The following RALYL variants were observed in gnomAD, a reference collection of about 807,000 sequenced individuals.
The protein encoded by RALYL is RALY RNA binding protein like, also known as RNA-binding Raly-like protein.
Under a neutral mutation model 35.1 loss-of-function variants are expected in RALYL, and 29 were observed. The ratio of observed to expected loss-of-function variants is 0.83; its 90% CI spans 0.61 to 1.13. RALYL has a LOEUF of 1.13. Among genes scored for constraint, RALYL ranks in the 50% most tolerant of loss-of-function variants. The pLI, the probability that RALYL is intolerant of heterozygous loss-of-function variation, is 0.00. For missense variants in RALYL, 359 were observed against 360.4 expected (o/e 1.00, Z 0.03); for synonymous variants, 120 against 127.6 (o/e 0.94, Z 0.40).
intron 2 of RALYL, among the ~76,000 whole-genome samples, chr8:84,596,990 G>C (rs994124812): frequency 2.0e-5 from 3 of 152,038 alleles, no homozygotes; most frequent in Non-Finnish European, 4.4e-5. Context: ...AATGATAGTT[G>C]ATAGAAAACA....
chr8:84,564,362 T>C (rs575128854), intron 2 of RALYL, among the ~76,000 whole-genome samples: 1 of 151,698 alleles, frequency 6.6e-6, no homozygotes, highest in Non-Finnish European at 1.5e-5. Flanking sequence ...CTTGAACACT[T>C]TCAAGAATGA....
At chr8:84,432,264 A>G (rs1418236249) in intron 1 of RALYL, among the ~76,000 whole-genome samples, 1 of 152,168 alleles carries the variant, frequency 6.6e-6, no homozygotes, top group Admixed American at 6.6e-5. Context: ...ATGCTAAGTG[A>G]AATAATCCAT....
At chr8:84,272,989 A>T (rs776373613) in intron 1 of RALYL, among the ~76,000 whole-genome samples, 1 of 152,200 alleles carries the variant, frequency 6.6e-6, no homozygotes, top group Non-Finnish European at 1.5e-5. Flanking sequence ...TGCTAGATTG[A>T]TTCCTTTTAT....
intron 2 of RALYL, among the ~76,000 whole-genome samples, chr8:84,685,568 CT>C (rs1380310814): frequency 2.0e-5 from 3 of 152,138 alleles, no homozygotes; most frequent in Non-Finnish European, 4.4e-5. Context: ...CTAAGTACTA[CT>C]GAATCACAGA....
At chr8:84,659,518 G>T (rs1204389856) in intron 2 of RALYL, among the ~76,000 whole-genome samples, 1 of 151,900 alleles carries the variant, frequency 6.6e-6, no homozygotes, top group African/African-American at 2.4e-5. Flanking sequence ...ACTAAAAGCT[G>T]CTGAGGCCCG....
At position 84,419,318 on chromosome 8, in the gene RALYL, C is replaced by T. The variant is rs111959252; in HGVS notation, c.-23-109981C>T. ...CTTTTGGTATTAACGTCTGTCAATCCCATTCTGCTTTAGCAAACTCACTGT... is the reference window on the plus strand; with the variant it reads ...CTTTTGGTATTAACGTCTGTCAATCTCATTCTGCTTTAGCAAACTCACTGT... On this transcript the variant is annotated intron_variant, in intron 1 of 8. Coordinates refer to ENST00000521268, the MANE Select transcript of RALYL (RefSeq NM_173848.7). Among the ~76,000 whole-genome samples the T allele has an allele frequency of 6.6e-3, 1,009 of 152,142 alleles. 12 individuals are homozygous for T. Among genetic ancestry groups the T allele is most frequent in the African/African-American group, 0.023 (947 of 41,514 alleles).
At chr8:84,229,317 C>T (rs529305111) in intron 1 of RALYL, among the ~76,000 whole-genome samples, 1 of 152,210 alleles carries the variant, frequency 6.6e-6, no homozygotes, top group South Asian at 2.1e-4. Context: ...GAAACACAAG[C>T]AAGATTTCAC....
intron 3 of RALYL, among the ~76,000 whole-genome samples, chr8:84,791,834 A>G (rs1008852498): frequency 6.6e-6 from 1 of 152,228 alleles, no homozygotes; most frequent in Non-Finnish European, 1.5e-5. Context: ...GGCTGAGTTC[A>G]GTCAAATAGT....
intron 2 of RALYL, among the ~76,000 whole-genome samples, chr8:84,555,134 C>A (rs1588150867): frequency 6.6e-6 from 1 of 152,126 alleles, no homozygotes; most frequent in Admixed American, 6.5e-5. Flanking sequence ...CAAAAATTAG[C>A]CGGGCGTGGT....
intron 5 of RALYL, among the ~76,000 whole-genome samples, chr8:84,852,647 T>A (rs1207137728): frequency 6.6e-6 from 1 of 152,120 alleles, no homozygotes; most frequent in Non-Finnish European, 1.5e-5. Context: ...TAACATGGAG[T>A]TTTACTCTAC....
intron 2 of RALYL, among the ~76,000 whole-genome samples, chr8:84,601,304 A>G (rs1004397332): frequency 5.3e-5 from 8 of 152,128 alleles, no homozygotes; most frequent in Admixed American, 3.9e-4. Context: ...CAGGAGGATA[A>G]TGCTTTGTCT....
At chr8:84,429,371 C>G (rs2046895427) in intron 1 of RALYL, among the ~76,000 whole-genome samples, 1 of 152,126 alleles carries the variant, frequency 6.6e-6, no homozygotes. Context: ...TCTTTAAAAA[C>G]CTGATATTGT....
chr8:84,265,364 A>G (rs1833085149), intron 1 of RALYL, among the ~76,000 whole-genome samples: 1 of 152,196 alleles, frequency 6.6e-6, no homozygotes, highest in Non-Finnish European at 1.5e-5. Context: ...GACAGAGGGA[A>G]GAACAATTCC....
intron 2 of RALYL, among the ~76,000 whole-genome samples, chr8:84,615,108 T>C (rs1819166328): frequency 1.3e-5 from 2 of 151,814 alleles, no homozygotes; most frequent in African/African-American, 2.4e-5. Context: ...TGTGTGCTTT[T>C]TTAAGCAGCA....
chr8:84,828,453 T>A (rs1830161222), intron 4 of RALYL: 1 of 152,348 alleles, frequency 6.6e-6, no homozygotes, highest in South Asian at 2.1e-4. Context: ...GTATTATAAT[T>A]TTTTTTCAAG....
At chr8:84,650,795 C>A (rs1181494131) in intron 2 of RALYL, among the ~76,000 whole-genome samples, 1 of 151,848 alleles carries the variant, frequency 6.6e-6, no homozygotes, top group Non-Finnish European at 1.5e-5. Flanking sequence ...CAGCACTATT[C>A]ACAATAGCAA....
At chr8:84,510,410 A>C (rs2057512087) in intron 1 of RALYL, among the ~76,000 whole-genome samples, 1 of 152,200 alleles carries the variant, frequency 6.6e-6, no homozygotes, top group South Asian at 2.1e-4. Flanking sequence ...AATACTCCAC[A>C]AAGTGTCTAA....
At chr8:84,496,164 A>C (rs1424479320) in intron 1 of RALYL, among the ~76,000 whole-genome samples, 3 of 152,120 alleles carry the variant, frequency 2.0e-5, no homozygotes, top group Non-Finnish European at 4.4e-5. Flanking sequence ...AGCAGCAAAA[A>C]AAGAACTCCA....
At chr8:84,714,025 C>T (rs980133806) in intron 2 of RALYL, among the ~76,000 whole-genome samples, 8 of 151,486 alleles carry the variant, frequency 5.3e-5, no homozygotes, top group Non-Finnish European at 1.0e-4. Flanking sequence ...CACACACACA[C>T]ATACTCACAC....
Sources: gnomAD v4.1 joint callset for allele counts (sites outside exome capture counted in the v4.1 genomes callset) on GRCh38, gnomAD v4.1.1 for gene constraint, MANE v1.5 for transcripts, NCBI Gene and HGNC (gene_info 2026-07-23, HGNC 2026-07-21) for gene names.